LRRC4C: variants seen among roughly 807,000 people sequenced by gnomAD.
LRRC4C encodes leucine-rich repeat-containing protein 4C.
In LRRC4C, 5 loss-of-function variants were observed where a neutral mutation model predicts 33.6. The observed-to-expected ratio is 0.15, with a 90% CI of 0.08 to 0.31. LRRC4C has a LOEUF of 0.31. Among genes scored for constraint, LRRC4C ranks in the 10% least tolerant of loss-of-function variants. The pLI, the probability that LRRC4C is intolerant of heterozygous loss-of-function variation, is 1.00. For missense variants in LRRC4C, 560 were observed against 796.7 expected (o/e 0.70, Z 3.58); for synonymous variants, 329 against 302.0 (o/e 1.09, Z -0.93).
intron 2 of LRRC4C, among the ~76,000 whole-genome samples, chr11:40,655,088 G>A (rs1351306050): frequency 6.6e-6 from 1 of 152,124 alleles, no homozygotes; most frequent in Admixed American, 6.5e-5. Flanking sequence ...ACCAGTCTCA[G>A]GTACTTCTTC....
intron 3 of LRRC4C, among the ~76,000 whole-genome samples, chr11:40,621,189 G>A (rs891773055): frequency 4.0e-4 from 60 of 151,582 alleles, no homozygotes; most frequent in Non-Finnish European, 4.4e-5. Context: ...AGTGCACCAA[G>A]AGTGAGCTTC....
intron 1 of LRRC4C, among the ~76,000 whole-genome samples, chr11:41,300,125 C>A (rs1950246994): frequency 6.6e-6 from 1 of 152,142 alleles, no homozygotes; most frequent in Non-Finnish European, 1.5e-5. Flanking sequence ...ATTGGGATAA[C>A]ATTATCAGTT....
rs74332750 is a variant in LRRC4C at position 40,334,414 on chromosome 11, G to A, written c.-269-14693C>T. 1.4e-4 allele frequency among the ~76,000 whole-genome samples: 21 copies of A among 152,100 alleles called. No homozygotes were observed. The East Asian group carries it at 2.5e-3, about 18-fold the overall frequency. On this transcript the variant is annotated intron_variant, in intron 3 of 6. Transcript: ENST00000528697. ...GAAGGTTGAGAAGATAACTTTTGAG[G>A]ACATAATAAAAGATTTTAAGAGCAG...
At chr11:41,158,371 A>G (rs917893425) in intron 1 of LRRC4C, among the ~76,000 whole-genome samples, 1 of 152,120 alleles carries the variant, frequency 6.6e-6, no homozygotes, top group Non-Finnish European at 1.5e-5. Context: ...ATTGGTTCCA[A>G]AAAGAGAAAA....
intron 2 of LRRC4C, among the ~76,000 whole-genome samples, chr11:40,682,340 T>G (rs1944732743): frequency 6.6e-6 from 1 of 151,622 alleles, no homozygotes; most frequent in Non-Finnish European, 1.5e-5. Context: ...CAATAGTTAC[T>G]AAAGGGATGA....
intron 4 of LRRC4C, among the ~76,000 whole-genome samples, chr11:40,298,605 T>C (rs1279596022): frequency 6.6e-6 from 1 of 152,002 alleles, no homozygotes; most frequent in African/African-American, 2.4e-5. Flanking sequence ...GTTGAGCCCA[T>C]TGTCAGGGAA....
chr11:40,354,219 T>C (rs1947550771), intron 3 of LRRC4C, among the ~76,000 whole-genome samples: 1 of 152,130 alleles, frequency 6.6e-6, no homozygotes, highest in Admixed American at 6.5e-5. Context: ...ACAAATAGAA[T>C]CTGTCTCTCC....
chr11:41,430,120 C>T (rs1207703564), intron 1 of LRRC4C, among the ~76,000 whole-genome samples: 1 of 152,074 alleles, frequency 6.6e-6, no homozygotes, highest in East Asian at 1.9e-4. Context: ...TGATTTTAAT[C>T]TTTATGTATC....
chr11:40,744,472 T>G (rs769225100), intron 2 of LRRC4C, among the ~76,000 whole-genome samples: 1 of 152,158 alleles, frequency 6.6e-6, no homozygotes, highest in Non-Finnish European at 1.5e-5. Flanking sequence ...TTTCTCTACT[T>G]CATTGTAATT....
intron 3 of LRRC4C, among the ~76,000 whole-genome samples, chr11:40,597,722 G>A (rs1289529489): frequency 6.6e-6 from 1 of 152,158 alleles, no homozygotes; most frequent in Non-Finnish European, 1.5e-5. Context: ...GAGGGCTTAA[G>A]GAACGCTGAG....
At chr11:40,465,936 A>C (rs1368935397) in intron 3 of LRRC4C, among the ~76,000 whole-genome samples, 1 of 152,068 alleles carries the variant, frequency 6.6e-6, no homozygotes, top group African/African-American at 2.4e-5. Context: ...ATCTACCCAA[A>C]GGAAAATTGT....
At chr11:40,903,752 G>T (rs1431636381) in intron 2 of LRRC4C, among the ~76,000 whole-genome samples, 1 of 152,120 alleles carries the variant, frequency 6.6e-6, no homozygotes, top group African/African-American at 2.4e-5. Context: ...AGTTGCAACA[G>T]GGTAACTGGA....
chr11:41,071,375 C>A (rs1281657259), intron 1 of LRRC4C, among the ~76,000 whole-genome samples: 1 of 152,008 alleles, frequency 6.6e-6, no homozygotes, highest in Non-Finnish European at 1.5e-5. Context: ...ATGCTACAAA[C>A]CTGCACATTC....
At chr11:40,121,614 G>A (rs1029230917) in intron 6 of LRRC4C, among the ~76,000 whole-genome samples, 4 of 152,116 alleles carry the variant, frequency 2.6e-5, no homozygotes, top group African/African-American at 9.7e-5. Context: ...GATACTTTTA[G>A]CCTTGTCCCA....
Position 41,146,345 on chromosome 11 carries a change from C to T in LRRC4C, c.-495-212622G>A, listed in dbSNP as rs139198284. 5.4e-3 allele frequency among the ~76,000 whole-genome samples: 828 copies of T among 152,314 alleles called. 5 individuals are homozygous for T. Among genetic ancestry groups the T allele is most frequent in the Non-Finnish European group, 9.2e-3 (627 of 68,024 alleles). On this transcript the variant is annotated intron_variant, in intron 1 of 6. Coordinates refer to ENST00000528697, the MANE Select transcript of LRRC4C (RefSeq NM_001258419.2). ...GGAGTCAGGTGCTTAATTGACTGAA[C>T]TGTCTGTGGATGACACAGGTTCATT... is the stretch of plus-strand genomic sequence containing the variant.
intron 2 of LRRC4C, among the ~76,000 whole-genome samples, chr11:40,679,842 C>T (rs1262279633): frequency 6.6e-6 from 1 of 152,184 alleles, no homozygotes; most frequent in Non-Finnish European, 1.5e-5. Context: ...AGATCCCCCA[C>T]ACATAATCCC....
intron 3 of LRRC4C, among the ~76,000 whole-genome samples, chr11:40,345,361 A>C (rs2137041999): frequency 6.6e-6 from 1 of 152,294 alleles, no homozygotes; most frequent in Middle Eastern, 3.4e-3. Flanking sequence ...ACATAGACCA[A>C]TAGAATGGAA....
chr11:41,092,138 C>A (rs1042106080), intron 1 of LRRC4C, among the ~76,000 whole-genome samples: 6 of 151,944 alleles, frequency 3.9e-5, no homozygotes, highest in Non-Finnish European at 8.8e-5. Context: ...TTTTTGTAGG[C>A]TAGAAATGTT....
intron 3 of LRRC4C, among the ~76,000 whole-genome samples, chr11:40,416,778 A>T (rs1950338686): frequency 6.6e-6 from 1 of 152,214 alleles, no homozygotes; most frequent in South Asian, 2.1e-4. Flanking sequence ...AGTGAATAAC[A>T]GTCATAAATG....
Sources: allele counts gnomAD v4.1 joint callset (sites outside exome capture counted in the v4.1 genomes callset), GRCh38; gene constraint gnomAD v4.1.1; transcripts MANE v1.5; gene names NCBI Gene and HGNC (gene_info 2026-07-23, HGNC 2026-07-21).